B2M: variants seen among roughly 807,000 people sequenced by gnomAD.
B2M encodes the protein beta-2-microglobulin.
In B2M, 3 loss-of-function variants were observed where a neutral mutation model predicts 14.5. The observed-to-expected ratio is 0.21, with a 90% confidence interval of 0.09 to 0.53. B2M has a LOEUF of 0.53. B2M is among the 20% of genes least tolerant of loss of function. The probability of loss-of-function intolerance (pLI) is 0.95; values close to 1 mark genes in which losing one functional copy is unlikely to be tolerated. For synonymous variants in B2M, 45 were observed against 52.7 expected, an observed-to-expected ratio of 0.85 and a Z score of 0.64; for missense variants, 107 against 140.8, an observed-to-expected ratio of 0.76 and a Z score of 1.21.
chr15:44,713,473 G>T (rs1228098009), intron 1 of B2M: 1 of 152,174 alleles, frequency 6.6e-6, no homozygotes, highest in Non-Finnish European at 1.5e-5. Context: ...TCTGACCTGT[G>T]TGTGGGTTTT....
At chr15:44,713,330 TAAC>T (rs1168452401) in intron 1 of B2M, 1 of 152,210 alleles carries the variant, frequency 6.6e-6, no homozygotes, top group Non-Finnish European at 1.5e-5. Context: ...TTTTAAAAAA[TAAC>T]AATCTGATAT....
chr15:44,717,086 C>CA (rs1187130545), intron 3 of B2M: 1 of 152,258 alleles, frequency 6.6e-6, no homozygotes, highest in Non-Finnish European at 1.5e-5. Flanking sequence ...TCTGCCCAGT[C>CA]ACACTGTTAG....
intron 1 of B2M, chr15:44,715,204 A>C (rs754663800): frequency 3.2e-5 from 20 of 623,626 alleles, no homozygotes; most frequent in Non-Finnish European, 5.7e-5. Flanking sequence ...AGGCATGTAT[A>C]GAGGAATTAT....
chr15:44,712,602 C>T (rs1048407333), intron 1 of B2M, among the ~76,000 whole-genome samples: 41 of 152,258 alleles, frequency 2.7e-4, no homozygotes, highest in Non-Finnish European at 4.4e-5. Flanking sequence ...CCAGAGCAAA[C>T]TGGGCGGCAT....
intron 3 of B2M, chr15:44,717,017 TCTC>T (rs1340850423): frequency 6.6e-6 from 1 of 152,368 alleles, no homozygotes; most frequent in Non-Finnish European, 1.5e-5. Context: ...CCCATTCAAA[TCTC>T]CTGTTATATT....
At chr15:44,714,971 CAT>C (rs1260434316) in intron 1 of B2M, 3 of 237,388 alleles carry the variant, frequency 1.3e-5, no homozygotes, top group African/African-American at 4.7e-5. Context: ...AGTACAATAA[CAT>C]GAGTAATTTG....
Position 44,715,564 on chromosome 15 carries a change from A to G in B2M, c.209A>G (p.Glu70Gly). 6.2e-7 allele frequency: 1 copy of G among 1,614,162 alleles called. No individual in the cohort carries two copies. The highest frequency in any genetic ancestry group is 8.5e-7 in the Non-Finnish European group (1 of 1,180,030). The change falls in exon 2 of 4, where the codon GAG (glutamate) becomes GGG (glycine). Residue 70 changes from glutamate (E) to glycine (G), a missense_variant. Coordinates refer to ENST00000648006, the MANE Select transcript of B2M (RefSeq NM_004048.4). ...LKNGERIEKV[E>G]HSDLSFSKDW... is the part of the protein sequence containing the mutation. ...AATGGAGAGAGAATTGAAAAAGTGG[A>G]GCATTCAGACTTGTCTTTCAGCAAG...
Position 44,715,481 on chromosome 15 carries a change from C to T in B2M, c.126C>T (p.Phe42=), listed in dbSNP as rs568062567. 15 of 1,614,142 alleles carry T rather than the reference C, an allele frequency of 9.3e-6. No homozygotes were observed. In the African/African-American group the frequency reaches 1.5e-4, roughly 16 times the overall value. ...RHPAENGKSN[F]LNCYVSGFHP... ...CAGCAGAGAATGGAAAGTCAAATTT[C>T]CTGAATTGCTATGTGTCTGGGTTTC... The change falls in exon 2 of 4, where the codon TTC becomes TTT. Residue 42 remains phenylalanine (F), a synonymous_variant. Transcript: ENST00000648006.
chr15:44,714,914 A>ATT, intron 1 of B2M: 1 of 209,974 alleles, frequency 4.8e-6, no homozygotes, highest in Non-Finnish European at 9.7e-6. Flanking sequence ...CAGGAACCAA[A>ATT]AAGAAAGGCA....
intron 1 of B2M, among the ~76,000 whole-genome samples, chr15:44,712,574 C>T (rs1351134478): frequency 6.6e-6 from 1 of 152,242 alleles, no homozygotes; most frequent in Non-Finnish European, 1.5e-5. Context: ...AAAACGCCTG[C>T]CTTCTGCGTG....
At position 44,711,562 on chromosome 15, in the gene B2M, G is replaced by C. The variant is rs763258605; in HGVS notation, c.16G>C (p.Ala6Pro). The C allele has an allele frequency of 6.2e-7, 1 of 1,613,846 alleles. No individual in the cohort carries two copies. Among genetic ancestry groups the C allele is most frequent in the Admixed American group, 1.7e-5 (1 of 60,030 alleles). MSRSV[A>P]LAVLALLSLS... ...TCGGGCCGAGATGTCTCGCTCCGTG[G>C]CCTTAGCTGTGCTCGCGCTACTCTC... Residue 6 changes from alanine (A) to proline (P), a missense_variant, in exon 1 of 4, where the codon GCC becomes CCC. By Grantham distance (27) the Ala-to-Pro change is conservative (BLOSUM62 -1). Coordinates refer to ENST00000648006, the MANE Select transcript of B2M (RefSeq NM_004048.4).
intron 1 of B2M, chr15:44,713,278 A>G (rs2141287226): frequency 6.6e-6 from 1 of 152,366 alleles, no homozygotes; most frequent in African/African-American, 2.4e-5. Flanking sequence ...TAATGTATAT[A>G]TCACCACCAT....
At chr15:44,715,233 C>A (rs937513889) in intron 1 of B2M, 190 bp from the exon 2 acceptor site, 19 of 673,802 alleles carry the variant, frequency 2.8e-5, no homozygotes, top group Non-Finnish European at 4.7e-5. Flanking sequence ...GATACCAAGT[C>A]ACGGTTTATT....
chr15:44,711,793 G>C (rs1032963084), intron 1 of B2M, 180 bp downstream of exon 1: 4 of 809,800 alleles, frequency 4.9e-6, no homozygotes, highest in Non-Finnish European at 8.2e-6. Context: ...GAGTGGGGAA[G>C]GGGGTGCGCA....
chr15:44,716,693 G>A (rs1452768448), intron 3 of B2M: 1 of 382,922 alleles, frequency 2.6e-6, no homozygotes, highest in Non-Finnish European at 4.8e-6. Flanking sequence ...CTGCTGAGGA[G>A]AGAAAATGAA....
intron 2 of B2M, 25 bp downstream of exon 2, chr15:44,715,726 C>A (rs1206392788): frequency 1.9e-6 from 3 of 1,613,656 alleles, no homozygotes; most frequent in Non-Finnish European, 2.5e-6. Flanking sequence ...CTTTTGTAAG[C>A]TGCTGAAAGT....
At chr15:44,714,768 C>A (rs989664675) in intron 1 of B2M, 1 of 153,210 alleles carries the variant, frequency 6.5e-6, no homozygotes, top group African/African-American at 2.4e-5. Context: ...AAATAAAGAA[C>A]ATACCTTGGG....
chr15:44,716,581 C>T, intron 3 of B2M: 1 of 582,216 alleles, frequency 1.7e-6, no homozygotes, highest in Non-Finnish European at 3.0e-6. Context: ...ACAGAGAGGG[C>T]AAAGGAACTG....
In B2M at chr15:44,711,583, C is replaced by T. The variant is rs1356237470; in HGVS notation, c.37C>T (p.Leu13Phe). 5.6e-6 allele frequency: 9 copies of T among 1,613,982 alleles called. No individual in the cohort carries two copies. Among genetic ancestry groups the T allele is most frequent in the South Asian group, 2.2e-5 (2 of 91,086 alleles). ...CGTGGCCTTAGCTGTGCTCGCGCTA[C>T]TCTCTCTTTCTGGCCTGGAGGCTAT... ...RSVALAVLAL[L>F]SLSGLEAIQR... is the part of the protein sequence containing the mutation. The change falls in exon 1 of 4, where the codon CTC becomes TTC. Residue 13 changes from leucine (L) to phenylalanine (F), a missense_variant. Physicochemically the swap from Leu to Phe is conservative, Grantham distance 22 (BLOSUM62 0). Coordinates refer to ENST00000648006, the MANE Select transcript of B2M (RefSeq NM_004048.4).
Sources: gnomAD v4.1 joint callset for allele counts (sites outside exome capture counted in the v4.1 genomes callset) on GRCh38, gnomAD v4.1.1 for gene constraint, MANE v1.5 for transcripts, NCBI Gene and HGNC (gene_info 2026-07-23, HGNC 2026-07-21) for gene names.